Variants in PGS1 observed in about 807,000 individuals in gnomAD.
PGS1 encodes the protein phosphatidylglycerophosphate synthase 1, also known as CDP-diacylglycerol--glycerol-3-phosphate 3-phosphatidyltransferase, mitochondrial.
PGS1 carries 44 observed loss-of-function variants against 58.3 expected under a neutral mutation model. That is an observed-to-expected ratio of 0.75 (90% confidence interval 0.59 to 0.97). The LOEUF is 0.97. Ranked by LOEUF, PGS1 falls within the 50% of genes least tolerant of loss-of-function variation. The probability of loss-of-function intolerance (pLI) is 0.00; values close to 1 mark genes in which losing one functional copy is unlikely to be tolerated. For missense variants in PGS1, 684 were observed against 731.1 expected (o/e 0.94, Z 0.74); for synonymous variants, 330 against 311.0 (o/e 1.06, Z -0.64).
At chr17:78,391,489 T>G (rs2082826754) in intron 1 of PGS1, among the ~76,000 whole-genome samples, 1 of 151,794 alleles carries the variant, frequency 6.6e-6, no homozygotes, top group Non-Finnish European at 1.5e-5. Flanking sequence ...CCAGGTAACT[T>G]TTTTTTGAGA....
intron 7 of PGS1, among the ~76,000 whole-genome samples, chr17:78,413,613 A>G (rs1012256995): frequency 1.3e-5 from 2 of 152,186 alleles, no homozygotes; most frequent in African/African-American, 4.8e-5. Flanking sequence ...CACTGACATC[A>G]GGCAGGAAGC....
chr17:78,392,092 T>C (rs2146133877), intron 1 of PGS1, among the ~76,000 whole-genome samples: 1 of 152,280 alleles, frequency 6.6e-6, no homozygotes, highest in East Asian at 1.9e-4. Context: ...AGGCAAATAT[T>C]TTTGAGGTAG....
At chr17:78,409,527 C>T (rs2084446428) in intron 7 of PGS1, among the ~76,000 whole-genome samples, 1 of 152,244 alleles carries the variant, frequency 6.6e-6, no homozygotes, top group South Asian at 2.1e-4. Flanking sequence ...GCGGCTCTCC[C>T]CTGGGCACCC....
At chr17:78,397,395 G>GGCCCATTGCCCAGAGTTAGTGCCGT (rs1327892487) in intron 3 of PGS1, among the ~76,000 whole-genome samples, 2 of 97,220 alleles carry the variant, frequency 2.1e-5, no homozygotes, top group African/African-American at 3.4e-5. Context: ...AGGTGCAGTG[G>GGCCCATTGCCCAGAGTTAGTGCCGT]GTTCACACCT....
chr17:78,419,046 G>C (rs1451963370), intron 8 of PGS1, among the ~76,000 whole-genome samples: 1 of 151,254 alleles, frequency 6.6e-6, no homozygotes, highest in East Asian at 1.9e-4. Flanking sequence ...GTCTCACTTT[G>C]CCACCCAGGC....
chr17:78,420,049 G>A, intron 9 of PGS1: 8 of 1,086,546 alleles, frequency 7.4e-6, no homozygotes, highest in Non-Finnish European at 9.0e-6. Flanking sequence ...TGAGCACACT[G>A]GTGCAGGAGA....
At chr17:78,392,747 A>G (rs1036234292) in intron 2 of PGS1, 82 bp downstream of exon 2, 3 of 1,070,738 alleles carry the variant, frequency 2.8e-6, no homozygotes, top group African/African-American at 1.6e-5. Context: ...TTTCTAGTCT[A>G]GAAACTTTGG....
Position 78,424,092 on chromosome 17 carries a change from CGG to C in PGS1, c.*45_*46del. 1 of 1,613,902 alleles carries C rather than the reference CGG, an allele frequency of 6.2e-7. No individual in the cohort carries two copies. Among genetic ancestry groups the C allele is most frequent in the South Asian group, 1.1e-5 (1 of 91,084 alleles). ...CCTTGATGAAGATGACAGGCATGGCCGGGGTCAGCTCTTTCAGCCGCGCTTCA... is the reference window on the plus strand; with the variant it reads ...CCTTGATGAAGATGACAGGCATGGCCGGTCAGCTCTTTCAGCCGCGCTTCA... On this transcript the variant is annotated 3_prime_UTR_variant, in exon 10 of 10. Transcript: ENST00000262764.
chr17:78,393,907 C>A (rs1457020808), intron 2 of PGS1, among the ~76,000 whole-genome samples: 16 of 126 alleles, frequency 0.13, no homozygotes, highest in Non-Finnish European at 0.018. Context: ...CTAGGCCAGG[C>A]GTGGTGGGGC....
intron 9 of PGS1, chr17:78,420,994 CTTAAAA>C (rs952562490): frequency 2.6e-5 from 4 of 152,192 alleles, no homozygotes; most frequent in South Asian, 2.1e-4. Context: ...TTCCACTTGC[CTTAAAA>C]TTAATTTTTT....
chr17:78,381,265 C>G (rs2082018135), intron 1 of PGS1, among the ~76,000 whole-genome samples: 2 of 152,166 alleles, frequency 1.3e-5, no homozygotes, highest in East Asian at 1.9e-4. Flanking sequence ...CTTCATCCTT[C>G]ATTAAGCTGA....
intron 7 of PGS1, among the ~76,000 whole-genome samples, chr17:78,411,732 T>G (rs1402227229): frequency 6.6e-6 from 1 of 152,036 alleles, no homozygotes; most frequent in Non-Finnish European, 1.5e-5. Context: ...GATAACCAGT[T>G]TACAGCCTTG....
chr17:78,423,761 G>T (rs112488587), intron 9 of PGS1: 2 of 1,080,768 alleles, frequency 1.9e-6, no homozygotes, highest in Non-Finnish European at 2.7e-6. Flanking sequence ...CTCTGGTTCC[G>T]ATGTGCTTGG....
chr17:78,392,454 A>G (rs780478640), intron 1 of PGS1, 22 bp from the exon 2 acceptor site: 131 of 1,577,096 alleles, frequency 8.3e-5, no homozygotes, highest in Non-Finnish European at 1.1e-4. Flanking sequence ...GGTGTGACCC[A>G]GTTGCATATT....
rs2083923681 is a variant in PGS1, at chr17:78,404,202, C to T, written c.1402+113C>T. 4.2e-6 allele frequency: 5 copies of T among 1,199,846 alleles called. No individual in the cohort carries two copies. The East Asian group carries it at 1.3e-4, about 31-fold the overall frequency. The allele number at this position is 1,199,846 out of a possible 1,614,324, so 74.3% of individuals were successfully genotyped here. On this transcript the variant is annotated intron_variant, in intron 7 of 9. Transcript: ENST00000262764. ...GAGTGCTGTACTTCTCCCTTCCTAC[C>T]TTCCCAGCAGCCCTTGCAGGCACAT...
chr17:78,424,014 G>C, intron 9 of PGS1, 47 bp from the exon 10 acceptor site: 1 of 1,614,040 alleles, frequency 6.2e-7, no homozygotes, highest in Non-Finnish European at 8.5e-7. Flanking sequence ...TGCGTGTTTT[G>C]TACACGGGAC....
rs775469312 is a variant in PGS1, at chr17:78,403,814, C to A, written c.1127C>A (p.Ala376Glu). The A allele has an allele frequency of 6.2e-7, 1 of 1,614,228 alleles. No individual in the cohort carries two copies. The highest frequency in any genetic ancestry group is 1.1e-5 in the South Asian group (1 of 91,084). Residue 376 changes from alanine (A) to glutamate (E), a missense_variant, in exon 7 of 10, where the codon GCG (alanine) becomes GAG (glutamate). Coordinates refer to ENST00000262764, the MANE Select transcript of PGS1 (RefSeq NM_024419.5). ...GTCACTGAGACCCTGTTGACTGAGG[C>A]GGAGCGCGGGGCAAAGGTCTACCTC... Reference protein sequence around the residue: ...EIVTETLLTEAERGAKVYLTT... With the variant: ...EIVTETLLTEEERGAKVYLTT...
intron 7 of PGS1, among the ~76,000 whole-genome samples, chr17:78,407,521 A>G (rs2084259751): frequency 6.6e-6 from 1 of 152,210 alleles, no homozygotes; most frequent in African/African-American, 2.4e-5. Context: ...TGCTGGGTAC[A>G]GGCTCTGTGC....
chr17:78,417,264 C>G (rs1229741184), intron 8 of PGS1, among the ~76,000 whole-genome samples: 3 of 152,214 alleles, frequency 2.0e-5, no homozygotes, highest in Admixed American at 6.5e-5. Context: ...TTTGAAGACA[C>G]AAAGCTGGAG....
Sources: allele counts gnomAD v4.1 joint callset (sites outside exome capture counted in the v4.1 genomes callset), GRCh38; gene constraint gnomAD v4.1.1; transcripts MANE v1.5; gene names NCBI Gene and HGNC (gene_info 2026-07-23, HGNC 2026-07-21).